The following ADCY9 variants were observed in gnomAD, a reference collection of about 807,000 sequenced individuals.
ADCY9 encodes the protein adenylate cyclase type 9.
A neutral mutation model predicts 101.5 loss-of-function variants in ADCY9; 50 were observed. The ratio of observed to expected loss-of-function variants is 0.49; its 90% CI spans 0.39 to 0.62. ADCY9 has a LOEUF of 0.62. Among genes scored for constraint, ADCY9 ranks in the 20% least tolerant of loss-of-function variants. ADCY9 has a pLI of 0.00. For synonymous variants in ADCY9, 905 were observed against 769.3 expected (o/e 1.18, Z -2.92); for missense variants, 1,662 against 1,800.4 (o/e 0.92, Z 1.39).
chr16:4,064,740 A>G (rs113762062), intron 2 of ADCY9, among the ~76,000 whole-genome samples: 2 of 152,146 alleles, frequency 1.3e-5, no homozygotes, highest in Admixed American at 1.3e-4. Context: ...GGACCTCCCA[A>G]AGTGCTGGGA....
intron 2 of ADCY9, among the ~76,000 whole-genome samples, chr16:4,082,168 G>C (rs1487824089): frequency 6.6e-6 from 1 of 151,894 alleles, no homozygotes; most frequent in Non-Finnish European, 1.5e-5. Context: ...TTGACACCAG[G>C]AGTTAAAGAC....
rs112906058 is a variant in ADCY9 at position 4,075,824 on chromosome 16, C to G, written c.1693+37926G>C. Among the ~76,000 whole-genome samples, 5 of 139,096 alleles carry G rather than the reference C, an allele frequency of 3.6e-5. No homozygotes were observed. In the South Asian group the frequency reaches 7.2e-4, roughly 20 times the overall value. The allele number at this position is 139,096 out of a possible 152,430, so 91.3% of individuals were successfully genotyped here. Reference sequence around the variant, plus strand: ...GGATCTTGTAAGGTGGGCAGGGGTCCAACCTGCACAGATACCTGGCTGAGA... The same window carrying G: ...GGATCTTGTAAGGTGGGCAGGGGTCGAACCTGCACAGATACCTGGCTGAGA... On this transcript the variant is annotated intron_variant, in intron 2 of 10. Transcript: ENST00000294016.
Position 3,965,275 on chromosome 16 carries a change from T to TGC in ADCY9, c.*498_*499dup, listed in dbSNP as rs1461567529. The TGC allele has an allele frequency of 6.1e-6, 1 of 162,778 alleles. No homozygotes were observed. Among genetic ancestry groups the TGC allele is most frequent in the African/African-American group, 2.4e-5 (1 of 41,568 alleles). The allele number at this position is 162,778 out of a possible 1,614,324, so 10.1% of individuals were successfully genotyped here. A position where few individuals can be genotyped will look rare whatever the true frequency, so the allele number is the denominator to read the frequency against. On this transcript the variant is annotated 3_prime_UTR_variant, in exon 11 of 11. Transcript: ENST00000294016. ...TCAGATTCATGAATGCAAGTGTGTGTGCGCATGTGTGCTTACATAGAGAGG... is the reference window on the plus strand; with the variant it reads ...TCAGATTCATGAATGCAAGTGTGTGTGCGCGCATGTGTGCTTACATAGAGAGG...
At chr16:3,976,758 A>C (rs1432394354) in intron 9 of ADCY9, among the ~76,000 whole-genome samples, 4 of 152,142 alleles carry the variant, frequency 2.6e-5, no homozygotes, top group African/African-American at 9.7e-5. Context: ...CCCGGGTACA[A>C]GCGGTTCTCC....
intron 10 of ADCY9, among the ~76,000 whole-genome samples, chr16:3,970,030 T>A (rs1195623450): frequency 2.0e-5 from 3 of 152,214 alleles, no homozygotes; most frequent in African/African-American, 7.2e-5. Context: ...TTTTTCTTTT[T>A]TACAACACCG....
chr16:3,966,444 C>A lies in ADCY9; in HGVS notation c.3393G>T (p.Pro1131=), dbSNP rs201993529. 6.3e-5 allele frequency: 101 copies of A among 1,613,984 alleles called. No individual in the cohort carries two copies. The highest frequency in any genetic ancestry group is 1.6e-4 in the Middle Eastern group (1 of 6,082). Residue 1131 remains proline, a synonymous_variant, in exon 11 of 11, where the codon CCG becomes CCT. Transcript: ENST00000294016. The part of the protein sequence containing the change: ...NTAQAQDGSH[P]QEHLQILFEF... ...CGAACAGGATCTGCAGGTGCTCCTG[C>A]GGGTGGCTGCCGTCCTGGGCCTGCG...
intron 2 of ADCY9, among the ~76,000 whole-genome samples, chr16:4,078,560 A>C (rs1303141792): frequency 6.7e-5 from 9 of 134,736 alleles, no homozygotes; most frequent in Non-Finnish European, 1.5e-4. Flanking sequence ...GTCTCAAAAA[A>C]AGAAAAAAAA....
intron 2 of ADCY9, among the ~76,000 whole-genome samples, chr16:4,101,737 C>T (rs1342799830): frequency 6.6e-6 from 1 of 152,104 alleles, no homozygotes; most frequent in East Asian, 1.9e-4. Flanking sequence ...CAGTAGGATA[C>T]AGTACAGTTG....
intron 2 of ADCY9, among the ~76,000 whole-genome samples, chr16:4,029,477 G>C (rs1467455963): frequency 1.3e-5 from 2 of 152,130 alleles, no homozygotes; most frequent in Non-Finnish European, 2.9e-5. Context: ...CCAGGCCCGG[G>C]GGCTCACACA....
intron 2 of ADCY9, among the ~76,000 whole-genome samples, chr16:4,060,881 G>A (rs1440717459): frequency 6.6e-6 from 1 of 152,120 alleles, no homozygotes; most frequent in Admixed American, 6.5e-5. Flanking sequence ...AAACTCTAAG[G>A]GGGCCCAGAT....
chr16:3,968,844 CT>C (rs372064528), intron 10 of ADCY9, among the ~76,000 whole-genome samples: 5 of 149,420 alleles, frequency 3.3e-5, no homozygotes, highest in African/African-American at 4.9e-5. Flanking sequence ...CCAGTTTCTG[CT>C]TTTTTTTTTC....
rs535605104 is a variant in ADCY9 at position 4,041,363 on chromosome 16, G to A, written c.1694-33805C>T. ...TACTAAAAACACAAAATGTAGCTGG[G>A]CGTAGTGGTTTACGCCTGTCATCCC... On this transcript the variant is annotated intron_variant, in intron 2 of 10. Transcript: ENST00000294016. 8.5e-5 allele frequency among the ~76,000 whole-genome samples: 13 copies of A among 152,196 alleles called. 2 individuals carry two copies. The highest frequency in any genetic ancestry group is 2.9e-4 in the African/African-American group (12 of 41,530).
Position 4,090,331 on chromosome 16 carries a change from C to T in ADCY9, c.1693+23419G>A, listed in dbSNP as rs182467692. 9.7e-4 allele frequency among the ~76,000 whole-genome samples: 148 copies of T among 152,210 alleles called. No homozygotes were observed. The Middle Eastern group carries it at 0.027, about 28-fold the overall frequency. ...TTTCTACTTAGAAACTCAATGTGTTCCTCTTCTATCCTAAACACTACTGAT... is the reference window on the plus strand; with the variant it reads ...TTTCTACTTAGAAACTCAATGTGTTTCTCTTCTATCCTAAACACTACTGAT... On this transcript the variant is annotated intron_variant, in intron 2 of 10. Coordinates refer to ENST00000294016, the MANE Select transcript of ADCY9 (RefSeq NM_001116.4).
intron 9 of ADCY9, 44 bp from the exon 10 acceptor site, chr16:3,974,754 A>C (rs763975752): frequency 2.6e-6 from 4 of 1,535,598 alleles, no homozygotes; most frequent in Non-Finnish European, 3.6e-6. Context: ...AGAGCAAAGA[A>C]GGCATTCCAC....
At chr16:3,985,592 G>T in intron 6 of ADCY9, among the ~76,000 whole-genome samples, 1 of 152,116 alleles carries the variant, frequency 6.6e-6, no homozygotes, top group Non-Finnish European at 1.5e-5. Flanking sequence ...TCACTGCCTT[G>T]CCCACATGTG....
chr16:4,000,445 A>G (rs2056321923), intron 3 of ADCY9, among the ~76,000 whole-genome samples: 3 of 152,242 alleles, frequency 2.0e-5, no homozygotes, highest in African/African-American at 7.2e-5. Context: ...TTGCTGTTTA[A>G]GCTAACAGGT....
chr16:4,046,623 A>C (rs1164280517), intron 2 of ADCY9, among the ~76,000 whole-genome samples: 4 of 152,216 alleles, frequency 2.6e-5, no homozygotes, highest in Non-Finnish European at 5.9e-5. Context: ...CCTTTAACTT[A>C]AATCTAGTAA....
chr16:4,034,181 C>T (rs1346872917), intron 2 of ADCY9, among the ~76,000 whole-genome samples: 1 of 152,156 alleles, frequency 6.6e-6, no homozygotes, highest in Non-Finnish European at 1.5e-5. Context: ...CACAAATGGT[C>T]TCTTGTGGCT....
chr16:4,017,504 C>T lies in ADCY9; in HGVS notation c.1694-9946G>A, dbSNP rs1012538233. Among the ~76,000 whole-genome samples, 7 of 137,964 alleles carry T rather than the reference C, an allele frequency of 5.1e-5. 1 individual carries two copies. The highest frequency in any genetic ancestry group is 1.1e-4 in the Non-Finnish European group (7 of 62,570). The allele number at this position is 137,964 out of a possible 152,430, so 90.5% of individuals were successfully genotyped here. On this transcript the variant is annotated intron_variant, in intron 2 of 10. Transcript: ENST00000294016. ...ACTGAAAATACGAAAATTAGCCAGG[C>T]GTGGTGATGCACGCCTGTAATCCCA...
Sources: allele counts gnomAD v4.1 joint callset (sites outside exome capture counted in the v4.1 genomes callset), GRCh38; gene constraint gnomAD v4.1.1; transcripts MANE v1.5; gene names NCBI Gene and HGNC (gene_info 2026-07-23, HGNC 2026-07-21).